Variants in RBMS1 observed in about 807,000 individuals in gnomAD.
The protein encoded by RBMS1 is RNA-binding motif, single-stranded-interacting protein 1.
A neutral mutation model predicts 62.3 loss-of-function variants in RBMS1; 17 were observed. The ratio of observed to expected loss-of-function variants is 0.27; its 90% CI spans 0.19 to 0.41. The LOEUF is 0.41. Among genes scored for constraint, RBMS1 ranks in the 10% least tolerant of loss-of-function variants. The probability of loss-of-function intolerance (pLI) is 1.00; values close to 1 mark genes in which losing one functional copy is unlikely to be tolerated. For missense variants in RBMS1, 334 were observed against 504.5 expected, an observed-to-expected ratio of 0.66 and a Z score of 3.24; for synonymous variants, 172 against 170.0, an observed-to-expected ratio of 1.01 and a Z score of -0.09.
chr2:160,323,533 C>T (rs1365989944), intron 2 of RBMS1, among the ~76,000 whole-genome samples: 3 of 149,318 alleles, frequency 2.0e-5, no homozygotes, highest in Non-Finnish European at 3.0e-5. Flanking sequence ...AGAAACAGGT[C>T]TCCTGACTGG....
chr2:160,277,550 G>T, intron 11 of RBMS1, 167 bp from the exon 12 acceptor site: 1 of 428,356 alleles, frequency 2.3e-6, no homozygotes, highest in South Asian at 7.2e-5. Flanking sequence ...TCATATGGAA[G>T]GTAAACTGTT....
chr2:160,289,597 T>G (rs1688577081), intron 6 of RBMS1, among the ~76,000 whole-genome samples: 1 of 152,318 alleles, frequency 6.6e-6, no homozygotes, highest in Admixed American at 6.5e-5. Context: ...CAGTGGTAGA[T>G]AAAACAGGGT....
At chr2:160,426,305 G>A (rs1472904316) in intron 1 of RBMS1, among the ~76,000 whole-genome samples, 135 of 61,556 alleles carry the variant, frequency 2.2e-3, no homozygotes, top group Non-Finnish European at 3.9e-3. Context: ...AAAGAAGGAA[G>A]GAAGGAAGGA....
intron 1 of RBMS1, chr2:160,407,442 G>C (rs913595444): frequency 1.0e-6 from 1 of 986,130 alleles, no homozygotes; most frequent in African/African-American, 1.7e-5. Context: ...ACCTCGGCGC[G>C]GCATCCCGGC....
intron 1 of RBMS1, among the ~76,000 whole-genome samples, chr2:160,438,964 C>A (rs1341576842): frequency 1.3e-5 from 2 of 149,896 alleles, no homozygotes; most frequent in Middle Eastern, 3.6e-3. Flanking sequence ...GTAGGGGCGG[C>A]CGGGCAGAGG....
At position 160,303,445 on chromosome 2, in the gene RBMS1, G is replaced by A. The variant is rs983780698; in HGVS notation, c.445C>T (p.Pro149Ser). The change falls in exon 5 of 14, where the codon CCA becomes TCA. Residue 149 changes from proline to serine, a missense_variant. Around this residue, in one of 3 missense-constraint regions of RBMS1, gnomAD observed 150 missense variants for 228.0 expected, o/e 0.66. Transcript: ENST00000348849. ...AGTTCTTGCTCATCCATGGAGAGTG[G>A]CAAATTAGAAATGTAGAGGTTGGTA... The part of the protein sequence containing the change: ...DPTNLYISNL[P>S]LSMDEQELEN... The A allele has an allele frequency of 7.4e-6, 12 of 1,612,910 alleles. No individual in the cohort carries two copies. The highest frequency in any genetic ancestry group is 1.0e-5 in the Non-Finnish European group (12 of 1,179,410).
chr2:160,384,823 C>G (rs1479099312), intron 1 of RBMS1, among the ~76,000 whole-genome samples: 1 of 152,118 alleles, frequency 6.6e-6, no homozygotes, highest in Non-Finnish European at 1.5e-5. Flanking sequence ...GATTTGTGTC[C>G]CTCCAAATCT....
rs368982549 is a variant in RBMS1, at chr2:160,471,691, G to GTATATATATA, written c.75+21588_75+21597dup. Among the ~76,000 whole-genome samples, 63 of 65,936 alleles carry GTATATATATA rather than the reference G, an allele frequency of 9.6e-4. 3 individuals are homozygous for GTATATATATA. The highest frequency in any genetic ancestry group is 2.1e-3 in the East Asian group (6 of 2,906). 43.3% of individuals were successfully genotyped at this position (65,936 alleles called of 152,430 possible). ...AATCATGTTTGGGAAATCCTTTGGT[G>GTATATATATA]TATATATATATATATATATATATAT... On this transcript the variant is annotated intron_variant, in intron 1 of 13. Transcript: ENST00000348849.
rs186684597 is a variant in RBMS1, at chr2:160,290,670, C to T, written c.641-3586G>A. Among the ~76,000 whole-genome samples, 95 of 152,280 alleles carry T rather than the reference C, an allele frequency of 6.2e-4. 1 individual carries two copies. Among genetic ancestry groups the T allele is most frequent in the Middle Eastern group, 3.4e-3 (1 of 294 alleles). On this transcript the variant is annotated intron_variant, in intron 6 of 13. Coordinates refer to ENST00000348849, the MANE Select transcript of RBMS1 (RefSeq NM_016836.4). ...TTATTTTCCTGTTCATCAGAACCAA[C>T]AGGAACATGCATCTCCAACAGCTTG...
intron 1 of RBMS1, among the ~76,000 whole-genome samples, chr2:160,404,455 A>G (rs866686097): frequency 1.3e-5 from 2 of 152,246 alleles, no homozygotes; most frequent in Non-Finnish European, 2.9e-5. Context: ...TTCAGGGAAA[A>G]GCAATAAAAA....
At chr2:160,411,651 CTT>C (rs1470502924) in intron 1 of RBMS1, among the ~76,000 whole-genome samples, 1 of 152,226 alleles carries the variant, frequency 6.6e-6, no homozygotes, top group East Asian at 1.9e-4. Context: ...GCTAACCTCT[CTT>C]GAGTGCCAGA....
At chr2:160,449,228 C>T (rs569244308) in intron 1 of RBMS1, among the ~76,000 whole-genome samples, 11 of 151,408 alleles carry the variant, frequency 7.3e-5, no homozygotes, top group African/African-American at 1.9e-4. Flanking sequence ...CCAGGCCAGC[C>T]GCCCCATCTG....
At chr2:160,323,354 T>C (rs1303940792) in intron 2 of RBMS1, among the ~76,000 whole-genome samples, 3 of 151,818 alleles carry the variant, frequency 2.0e-5, no homozygotes, top group Non-Finnish European at 4.4e-5. Context: ...TGCACGCCTG[T>C]AGTCCCAGCT....
chr2:160,467,362 C>A (rs1017752423), intron 1 of RBMS1, among the ~76,000 whole-genome samples: 1 of 152,296 alleles, frequency 6.6e-6, no homozygotes, highest in East Asian at 1.9e-4. Flanking sequence ...TCTGATTAAA[C>A]ACCACTTGGA....
chr2:160,450,584 A>C (rs1293647077), intron 1 of RBMS1, among the ~76,000 whole-genome samples: 1 of 150,924 alleles, frequency 6.6e-6, no homozygotes, highest in East Asian at 1.9e-4. Context: ...AAAAAACAAA[A>C]AACATTAACC....
At chr2:160,347,212 C>A (rs1692234928) in intron 2 of RBMS1, among the ~76,000 whole-genome samples, 1 of 151,928 alleles carries the variant, frequency 6.6e-6, no homozygotes, top group African/African-American at 2.4e-5. Flanking sequence ...GCTTAGAATG[C>A]TAAAGCTGTA....
intron 2 of RBMS1, among the ~76,000 whole-genome samples, chr2:160,356,977 T>C (rs781627827): frequency 3.9e-5 from 6 of 152,098 alleles, no homozygotes; most frequent in Admixed American, 2.0e-4. Context: ...GAACTAAAGA[T>C]GAAGGGAAAA....
rs552090208 is a variant in RBMS1 at position 160,488,350 on chromosome 2, G to A, written c.75+4939C>T. Among the ~76,000 whole-genome samples the A allele has an allele frequency of 2.5e-4, 38 of 152,238 alleles. 2 individuals are homozygous for A. The Middle Eastern group carries it at 0.024, about 95-fold the overall frequency. On this transcript the variant is annotated intron_variant, in intron 1 of 13. Transcript: ENST00000348849. ...CAGCACTTTGAAAGGAGGCTGAGGC[G>A]GCGGATCACGAGGTCCGGAGTTCAA... is the stretch of plus-strand genomic sequence containing the variant.
intron 11 of RBMS1, 90 bp from the exon 12 acceptor site, chr2:160,277,473 T>C (rs1687898028): frequency 3.1e-6 from 3 of 958,458 alleles, no homozygotes; most frequent in Middle Eastern, 2.1e-4. Context: ...TATAATGTAT[T>C]TGGAAATCTC....
Sources: allele counts gnomAD v4.1 joint callset (sites outside exome capture counted in the v4.1 genomes callset), GRCh38; gene constraint gnomAD v4.1.1; regional missense constraint gnomAD v4.1.1; transcripts MANE v1.5; gene names NCBI Gene and HGNC (gene_info 2026-07-23, HGNC 2026-07-21).